The following ANKS1B variants were observed in gnomAD, a reference collection of about 807,000 sequenced individuals.
ANKS1B encodes ankyrin repeat and sterile alpha motif domain-containing protein 1B.
ANKS1B carries 36 observed loss-of-function variants against 148.3 expected under a neutral mutation model. The observed-to-expected ratio is 0.24, with a 90% CI of 0.19 to 0.32. The LOEUF (loss-of-function observed/expected upper bound fraction) is 0.32, where lower values mean the gene tolerates loss of function less well. Ranked by LOEUF, ANKS1B falls within the 10% of genes least tolerant of loss-of-function variation. ANKS1B has a pLI of 1.00. For missense variants in ANKS1B, 1,157 were observed against 1,542.6 expected, an observed-to-expected ratio of 0.75 and a Z score of 4.19; for synonymous variants, 542 against 560.8, an observed-to-expected ratio of 0.97 and a Z score of 0.47.
chr12:99,972,454 G>C (rs79383690), intron 1 of ANKS1B, among the ~76,000 whole-genome samples: 1 of 152,140 alleles, frequency 6.6e-6, no homozygotes, highest in South Asian at 2.1e-4. Flanking sequence ...AAGTTTGAGG[G>C]GTCTGGATAG....
chr12:99,454,060 C>A (rs547080597), intron 10 of ANKS1B, among the ~76,000 whole-genome samples: 31 of 152,098 alleles, frequency 2.0e-4, no homozygotes, highest in Non-Finnish European at 4.0e-4. Context: ...TGCAACAGGG[C>A]AGAAGCATGA....
Position 99,691,886 on chromosome 12 carries a change from C to G in ANKS1B, c.1129-36676G>C, listed in dbSNP as rs149769570. 1.4e-4 allele frequency among the ~76,000 whole-genome samples: 22 copies of G among 152,236 alleles called. No homozygotes were observed. The East Asian group carries it at 4.3e-3, about 29-fold the overall frequency. ...GATAACAAATGGGTGTTTTTTAAATCATGAAGTGTGTAGTAATCTGTTACA... is the reference window on the plus strand; with the variant it reads ...GATAACAAATGGGTGTTTTTTAAATGATGAAGTGTGTAGTAATCTGTTACA... On this transcript the variant is annotated intron_variant, in intron 8 of 26. Coordinates refer to ENST00000683438, the MANE Select transcript of ANKS1B (RefSeq NM_001352186.2).
chr12:99,861,314 TAA>T (rs940966635), intron 1 of ANKS1B, among the ~76,000 whole-genome samples: 3 of 152,182 alleles, frequency 2.0e-5, no homozygotes, highest in Non-Finnish European at 2.9e-5. Flanking sequence ...TCACATGAAA[TAA>T]GAGAAGAAAA....
chr12:99,518,685 T>A (rs1327004875), intron 9 of ANKS1B, among the ~76,000 whole-genome samples: 2 of 152,090 alleles, frequency 1.3e-5, no homozygotes, highest in Admixed American at 6.6e-5. Flanking sequence ...CAACTTTTTG[T>A]TTTACTGATA....
intron 1 of ANKS1B, among the ~76,000 whole-genome samples, chr12:99,917,831 A>C (rs2094218725): frequency 6.6e-6 from 1 of 152,224 alleles, no homozygotes; most frequent in East Asian, 1.9e-4. Context: ...CCCAATCTCC[A>C]GCCTGCAGAG....
intron 2 of ANKS1B, among the ~76,000 whole-genome samples, chr12:99,822,549 T>G (rs2082646229): frequency 1.3e-5 from 2 of 152,226 alleles, no homozygotes; most frequent in Admixed American, 1.3e-4. Flanking sequence ...AGTATTTGAT[T>G]TGCTGTTCTT....
At chr12:99,129,571 A>G (rs528992334) in intron 15 of ANKS1B, among the ~76,000 whole-genome samples, 23 of 152,212 alleles carry the variant, frequency 1.5e-4, no homozygotes, top group Non-Finnish European at 3.1e-4. Flanking sequence ...GTCTTGAGGT[A>G]GAGCATGATC....
chr12:98,744,230 T>TTTAA lies in ANKS1B; in HGVS notation c.*1505_*1508dup. The TTTAA allele has an allele frequency of 3.1e-6, 3 of 959,028 alleles. No homozygotes were observed. Among genetic ancestry groups the TTTAA allele is most frequent in the Non-Finnish European group, 3.7e-6 (3 of 805,500 alleles). The allele number at this position is 959,028 out of a possible 1,614,324, so 59.4% of individuals were successfully genotyped here. A position where few individuals can be genotyped will look rare whatever the true frequency, so the allele number is the denominator to read the frequency against. ...ACAAGGAACTGTTCAGTTCAAGTAATTTAATATTGTATTAAAATTCTTCAA... is the reference window on the plus strand; with the variant it reads ...ACAAGGAACTGTTCAGTTCAAGTAATTTAATTAATATTGTATTAAAATTCTTCAA... On this transcript the variant is annotated 3_prime_UTR_variant, in exon 27 of 27. Transcript: ENST00000683438.
chr12:99,393,299 A>G (rs751906205), intron 12 of ANKS1B, among the ~76,000 whole-genome samples: 2 of 152,168 alleles, frequency 1.3e-5, no homozygotes, highest in Non-Finnish European at 2.9e-5. Context: ...AAGGTTTCAC[A>G]TGAGAATGAG....
chr12:99,651,857 T>C lies in ANKS1B; in HGVS notation c.1272+3210A>G, dbSNP rs180813626. 2.5e-3 allele frequency among the ~76,000 whole-genome samples: 386 copies of C among 151,986 alleles called. 1 individual carries two copies. The highest frequency in any genetic ancestry group is 8.7e-3 in the African/African-American group (362 of 41,516). On this transcript the variant is annotated intron_variant, in intron 9 of 26. Transcript: ENST00000683438. Reference sequence around the variant, plus strand: ...TTGAGAATGGTTGAATCCTAGGTAATAAACTAAAAAACCAGATGAATTAAA... The same window carrying C: ...TTGAGAATGGTTGAATCCTAGGTAACAAACTAAAAAACCAGATGAATTAAA...
At chr12:99,060,709 A>G (rs1398421057) in intron 16 of ANKS1B, among the ~76,000 whole-genome samples, 8 of 36,372 alleles carry the variant, frequency 2.2e-4, no homozygotes, top group Admixed American at 4.6e-4. Flanking sequence ...ACATATATAT[A>G]GAGAGAGAGA....
intron 17 of ANKS1B, among the ~76,000 whole-genome samples, chr12:99,023,455 G>A (rs1056749114): frequency 4.6e-5 from 7 of 152,002 alleles, no homozygotes; most frequent in African/African-American, 1.4e-4. Flanking sequence ...GTTATTGAAA[G>A]GTTCTTCTTC....
intron 1 of ANKS1B, among the ~76,000 whole-genome samples, chr12:99,940,916 T>C (rs908236183): frequency 3.3e-5 from 5 of 152,132 alleles, no homozygotes; most frequent in African/African-American, 1.2e-4. Context: ...ATACAGACTA[T>C]AGTAGCCTTC....
intron 17 of ANKS1B, among the ~76,000 whole-genome samples, chr12:99,037,552 A>G (rs1418531687): frequency 6.6e-6 from 1 of 152,138 alleles, no homozygotes; most frequent in Non-Finnish European, 1.5e-5. Flanking sequence ...GGTGAACTGA[A>G]TTTTATCAAA....
intron 17 of ANKS1B, among the ~76,000 whole-genome samples, chr12:98,846,359 G>A (rs957204855): frequency 1.2e-4 from 19 of 152,332 alleles, no homozygotes; most frequent in African/African-American, 4.6e-4. Context: ...TCCATTTGGG[G>A]GAAGGTGCAA....
At chr12:99,455,122 G>T (rs2133896) in intron 10 of ANKS1B, among the ~76,000 whole-genome samples, 11,856 of 152,036 alleles carry the variant, frequency 0.078, 627 homozygotes, top group East Asian at 0.21. Flanking sequence ...TTCTCCGGTT[G>T]TACTCTTAGT....
At chr12:99,781,908 G>C in intron 5 of ANKS1B, 114 bp downstream of exon 5, 1 of 844,480 alleles carries the variant, frequency 1.2e-6, no homozygotes, top group Non-Finnish European at 1.8e-6. Flanking sequence ...CTGCATTTTA[G>C]AGTAAAGGCA....
At chr12:99,064,833 T>C (rs1489106294) in intron 16 of ANKS1B, among the ~76,000 whole-genome samples, 1 of 152,174 alleles carries the variant, frequency 6.6e-6, no homozygotes, top group Non-Finnish European at 1.5e-5. Context: ...GTTGTACCTC[T>C]CCCTGAAGCT....
At chr12:99,248,271 G>A (rs182686108) in intron 12 of ANKS1B, among the ~76,000 whole-genome samples, 79 of 152,254 alleles carry the variant, frequency 5.2e-4, no homozygotes, top group Admixed American at 2.1e-3. Context: ...ACTGCTCTCC[G>A]CCTGGGAACT....
Sources: gnomAD v4.1 joint callset for allele counts (sites outside exome capture counted in the v4.1 genomes callset) on GRCh38, gnomAD v4.1.1 for gene constraint, MANE v1.5 for transcripts, NCBI Gene and HGNC (gene_info 2026-07-23, HGNC 2026-07-21) for gene names.